ADCY3: variants seen among roughly 807,000 people sequenced by gnomAD.
ADCY3 encodes the protein adenylate cyclase type 3.
In ADCY3, 70 loss-of-function variants were observed where a neutral mutation model predicts 119.4. The observed-to-expected ratio is 0.59, with a 90% CI of 0.48 to 0.72. The LOEUF is 0.72. Ranked by LOEUF, ADCY3 falls within the 30% of genes least tolerant of loss-of-function variation. The probability of loss-of-function intolerance (pLI) is 0.00; values close to 1 mark genes in which losing one functional copy is unlikely to be tolerated. For missense variants in ADCY3, 1,238 were observed against 1,541.6 expected (o/e 0.80, Z 3.30); for synonymous variants, 672 against 621.4 (o/e 1.08, Z -1.21).
At chr2:24,901,627 G>A (rs1573031753) in intron 2 of ADCY3, among the ~76,000 whole-genome samples, 1 of 152,146 alleles carries the variant, frequency 6.6e-6, no homozygotes, top group East Asian at 1.9e-4. Context: ...AACTGGAAAT[G>A]ACACACAACA....
At position 24,826,133 on chromosome 2, in the gene ADCY3, G is replaced by A. The variant is rs1316077331; in HGVS notation, c.2496-7C>T. ...GGAAGGCACCAGGGGCAGCCTGCTG[G>A]GCAGAGCGTGTGCAACTGAAAGGGC... On this transcript the variant is annotated splice_polypyrimidine_tract_variant and splice_region_variant and intron_variant, in intron 15 of 21. Coordinates refer to ENST00000679454, the MANE Select transcript of ADCY3 (RefSeq NM_004036.5). The A allele has an allele frequency of 6.2e-7, 1 of 1,613,540 alleles. No homozygotes were observed. The highest frequency in any genetic ancestry group is 1.1e-5 in the South Asian group (1 of 91,044).
rs187147087 is a variant in ADCY3, at chr2:24,889,937, T to C, written c.676-17218A>G. Among the ~76,000 whole-genome samples the C allele has an allele frequency of 5.2e-3, 786 of 152,358 alleles. 6 individuals carry two copies. The highest frequency in any genetic ancestry group is 0.018 in the African/African-American group (747 of 41,586). On this transcript the variant is annotated intron_variant, in intron 2 of 21. Coordinates refer to ENST00000679454, the MANE Select transcript of ADCY3 (RefSeq NM_004036.5). The stretch of plus-strand genomic sequence containing the variant: ...GGTTAAAAAGAGAACATTCAGACTT[T>C]CTCTATTAAATATGATGTAGGTTTT...
At position 24,819,837 on chromosome 2, in the gene ADCY3, G is replaced by T; in HGVS notation, c.*95C>A. The T allele has an allele frequency of 7.5e-7, 1 of 1,327,226 alleles. No individual in the cohort carries two copies. The highest frequency in any genetic ancestry group is 1.0e-6 in the Non-Finnish European group (1 of 963,106). The allele number at this position is 1,327,226 out of a possible 1,614,324, so 82.2% of individuals were successfully genotyped here. A position where few individuals can be genotyped will look rare whatever the true frequency, so the allele number is the denominator to read the frequency against. On this transcript the variant is annotated 3_prime_UTR_variant, in exon 22 of 22. Transcript: ENST00000679454. ...GGAGGTTTCTAAACCTAAAGTCCATGAGTGTGCACTTCAATCCAGGAAGGT... is the reference window on the plus strand; with the variant it reads ...GGAGGTTTCTAAACCTAAAGTCCATTAGTGTGCACTTCAATCCAGGAAGGT...
At chr2:24,826,594 C>T (rs1014605898) in intron 15 of ADCY3, 2 of 155,334 alleles carry the variant, frequency 1.3e-5, no homozygotes, top group East Asian at 3.8e-4. Context: ...CATGAATATA[C>T]CAGTTATGTA....
intron 2 of ADCY3, among the ~76,000 whole-genome samples, chr2:24,887,559 C>A (rs973838170): frequency 1.3e-5 from 2 of 152,050 alleles, no homozygotes. Flanking sequence ...CGTGATGGCT[C>A]CTGAGGGTGC....
chr2:24,851,686 T>C (rs1037095868), intron 3 of ADCY3, among the ~76,000 whole-genome samples: 1 of 152,152 alleles, frequency 6.6e-6, no homozygotes, highest in Non-Finnish European at 1.5e-5. Flanking sequence ...AAAAGTCCCA[T>C]AGACTGTTCT....
chr2:24,844,502 C>T (rs912041925), intron 3 of ADCY3, among the ~76,000 whole-genome samples: 8 of 152,170 alleles, frequency 5.3e-5, no homozygotes, highest in South Asian at 2.1e-4. Flanking sequence ...CCCTGAGGCC[C>T]GAGAGAGGCC....
At chr2:24,907,035 G>A (rs935968424) in intron 2 of ADCY3, among the ~76,000 whole-genome samples, 6 of 152,272 alleles carry the variant, frequency 3.9e-5, no homozygotes, top group South Asian at 2.1e-4. Flanking sequence ...GAAGGCTGAG[G>A]CAGGAGAATC....
At chr2:24,866,921 G>A (rs1400677495) in intron 3 of ADCY3, among the ~76,000 whole-genome samples, 1 of 152,168 alleles carries the variant, frequency 6.6e-6, no homozygotes, top group South Asian at 2.1e-4. Flanking sequence ...TTCAGAAAAA[G>A]AAGAGAGATA....
intron 3 of ADCY3, among the ~76,000 whole-genome samples, chr2:24,854,345 GT>G (rs1317111911): frequency 1.3e-5 from 2 of 152,210 alleles, no homozygotes; most frequent in African/African-American, 2.4e-5. Context: ...TCACCCAGGG[GT>G]TTTGGGGGGT....
intron 2 of ADCY3, among the ~76,000 whole-genome samples, chr2:24,893,192 C>A (rs1244125527): frequency 6.6e-6 from 1 of 151,990 alleles, no homozygotes; most frequent in Non-Finnish European, 1.5e-5. Flanking sequence ...TACCATCACC[C>A]CCAGCTAATT....
chr2:24,848,919 G>A (rs141921063), intron 3 of ADCY3, among the ~76,000 whole-genome samples: 2 of 152,286 alleles, frequency 1.3e-5, no homozygotes, highest in Non-Finnish European at 2.9e-5. Context: ...GACAACAAAG[G>A]GATACAAGGA....
At position 24,821,612 on chromosome 2, in the gene ADCY3, T is replaced by G. The variant is rs766171264; in HGVS notation, c.3032A>C (p.Gln1011Pro). 1.2e-6 allele frequency: 2 copies of G among 1,614,186 alleles called. No individual in the cohort carries two copies. The highest frequency in any genetic ancestry group is 1.7e-6 in the Non-Finnish European group (2 of 1,180,032). ...GAAGTCGGCCAGGTCAGCCAGGTGCTGCCAGCGCTCTCTCTCGGACTTGTC... is the reference window on the plus strand; with the variant it reads ...GAAGTCGGCCAGGTCAGCCAGGTGCGGCCAGCGCTCTCTCTCGGACTTGTC... ...KEDKSERERW[Q>P]HLADLADFAL... Residue 1011 changes from glutamine to proline, a missense_variant, in exon 20 of 22, where the codon CAG becomes CCG. By Grantham distance (76) the Gln-to-Pro change is moderately conservative (BLOSUM62 -1). This residue lies in a region of ADCY3 where 63 missense variants were observed against 62.8 expected (regional missense o/e 1.00). Coordinates refer to ENST00000679454, the MANE Select transcript of ADCY3 (RefSeq NM_004036.5).
chr2:24,858,149 C>A (rs929972563), intron 3 of ADCY3, among the ~76,000 whole-genome samples: 17 of 151,844 alleles, frequency 1.1e-4, no homozygotes, highest in African/African-American at 4.1e-4. Context: ...CAGGTGCGCA[C>A]CACCACCATG....
At chr2:24,874,837 G>C (rs969335000) in intron 2 of ADCY3, among the ~76,000 whole-genome samples, 2 of 152,184 alleles carry the variant, frequency 1.3e-5, no homozygotes, top group Non-Finnish European at 2.9e-5. Flanking sequence ...CAAGTGCAGT[G>C]AAAAAGCAGA....
chr2:24,868,511 C>T (rs1413453877), intron 3 of ADCY3, among the ~76,000 whole-genome samples: 1 of 151,838 alleles, frequency 6.6e-6, no homozygotes, highest in Non-Finnish European at 1.5e-5. Flanking sequence ...ATTAGCCGGG[C>T]GTGTTCCCAG....
At chr2:24,862,234 T>A (rs1673748242) in intron 3 of ADCY3, among the ~76,000 whole-genome samples, 1 of 152,148 alleles carries the variant, frequency 6.6e-6, no homozygotes, top group African/African-American at 2.4e-5. Context: ...ACCAGGTCCC[T>A]TTCTATCTGG....
chr2:24,874,848 T>C (rs1249128290), intron 2 of ADCY3, among the ~76,000 whole-genome samples: 2 of 152,152 alleles, frequency 1.3e-5, no homozygotes, highest in African/African-American at 2.4e-5. Context: ...AAAAAGCAGA[T>C]TTTATTTTTA....
At chr2:24,910,246 A>C (rs1663416028) in intron 2 of ADCY3, among the ~76,000 whole-genome samples, 1 of 152,182 alleles carries the variant, frequency 6.6e-6, no homozygotes, top group Admixed American at 6.6e-5. Flanking sequence ...TCTGTCACCC[A>C]GGCTGGAGTG....
Sources: allele counts gnomAD v4.1 joint callset (sites outside exome capture counted in the v4.1 genomes callset), GRCh38; gene constraint gnomAD v4.1.1; regional missense constraint gnomAD v4.1.1; transcripts MANE v1.5; gene names NCBI Gene and HGNC (gene_info 2026-07-23, HGNC 2026-07-21).